ROBO2: variants seen among roughly 807,000 people sequenced by gnomAD.
ROBO2 encodes the protein roundabout homolog 2.
ROBO2 carries 53 observed loss-of-function variants against 160.8 expected under a neutral mutation model. The ratio of observed to expected loss-of-function variants is 0.33; its 90% confidence interval spans 0.26 to 0.41. ROBO2 has a LOEUF of 0.41. Among genes scored for constraint, ROBO2 ranks in the 10% least tolerant of loss-of-function variants. The pLI, the probability that ROBO2 is intolerant of heterozygous loss-of-function variation, is 1.00. For synonymous variants in ROBO2, 664 were observed against 611.7 expected (o/e 1.09, Z -1.26); for missense variants, 1,577 against 1,722.4 (o/e 0.92, Z 1.49).
At chr3:77,595,722 C>T (rs1439533846) in intron 18 of ROBO2, among the ~76,000 whole-genome samples, 2 of 152,130 alleles carry the variant, frequency 1.3e-5, no homozygotes, top group South Asian at 2.1e-4. Context: ...GTAATAACTT[C>T]CAATCTCCCA....
chr3:75,935,394 CT>C lies in ROBO2; in HGVS notation c.-13-2086del, dbSNP rs1036480550. On this transcript the variant is annotated intron_variant, in intron 1 of 26. Transcript: ENST00000487694. The stretch of plus-strand genomic sequence containing the variant: ...GGGGATGGTGGTGCGTGCCTGTAGC[CT>C]GAGCTACTCGAGAGGCCGAGGCAAA... 2.6e-4 allele frequency among the ~76,000 whole-genome samples: 40 copies of C among 151,988 alleles called. 1 individual carries two copies. Among genetic ancestry groups the C allele is most frequent in the African/African-American group, 9.4e-4 (39 of 41,484 alleles).
At chr3:76,685,192 G>GTTT (rs57691150) in intron 2 of ROBO2, among the ~76,000 whole-genome samples, 14 of 128,340 alleles carry the variant, frequency 1.1e-4, no homozygotes, top group South Asian at 7.5e-4. Context: ...GGTTGGTTGT[G>GTTT]TTTTTTTTTT....
chr3:76,688,329 A>AT (rs1382733883), intron 2 of ROBO2, among the ~76,000 whole-genome samples: 1 of 151,946 alleles, frequency 6.6e-6, no homozygotes, highest in African/African-American at 2.4e-5. Flanking sequence ...TGGTTAGGTG[A>AT]TTTTTTAAGA....
At chr3:76,791,494 C>T (rs981733778) in intron 2 of ROBO2, among the ~76,000 whole-genome samples, 6 of 151,220 alleles carry the variant, frequency 4.0e-5, no homozygotes, top group Non-Finnish European at 5.9e-5. Context: ...GTGTTTTTCT[C>T]TTTTCTCTCT....
chr3:77,105,666 T>C (rs2150134560), intron 2 of ROBO2, among the ~76,000 whole-genome samples: 1 of 152,330 alleles, frequency 6.6e-6, no homozygotes, highest in African/African-American at 2.4e-5. Flanking sequence ...TGTATTTTGA[T>C]ACGAGGTTTA....
chr3:76,860,941 G>T (rs972795199), intron 2 of ROBO2, among the ~76,000 whole-genome samples: 7 of 152,096 alleles, frequency 4.6e-5, no homozygotes, highest in African/African-American at 1.7e-4. Flanking sequence ...AGGAAAGCAT[G>T]AGCTTTCTCT....
rs189196819 is a variant in ROBO2 at position 76,767,829 on chromosome 3, T to C, written c.110-330185T>C. Among the ~76,000 whole-genome samples the C allele has an allele frequency of 5.5e-4, 83 of 151,652 alleles. 1 individual carries two copies. Among genetic ancestry groups the C allele is most frequent in the Middle Eastern group, 6.8e-3 (2 of 294 alleles). ...ATCCATTTATATATACAGAAAGCCATTGACGTGCTTACATCATCAAAAACA... is the reference window on the plus strand; with the variant it reads ...ATCCATTTATATATACAGAAAGCCACTGACGTGCTTACATCATCAAAAACA... On this transcript the variant is annotated intron_variant, in intron 2 of 26. Transcript: ENST00000487694.
At chr3:76,802,396 A>C (rs143447715) in intron 2 of ROBO2, among the ~76,000 whole-genome samples, 1 of 152,268 alleles carries the variant, frequency 6.6e-6, no homozygotes, top group Non-Finnish European at 1.5e-5. Flanking sequence ...GCCTTCCAGC[A>C]TATTGGAGAT....
intron 2 of ROBO2, among the ~76,000 whole-genome samples, chr3:76,059,304 AG>A (rs2067981009): frequency 6.6e-6 from 1 of 151,630 alleles, no homozygotes; most frequent in Non-Finnish European, 1.5e-5. Flanking sequence ...CATCCTCTCC[AG>A]CACCTGTTGT....
chr3:76,003,244 C>T (rs978578195), intron 2 of ROBO2, among the ~76,000 whole-genome samples: 3 of 152,114 alleles, frequency 2.0e-5, no homozygotes, highest in Non-Finnish European at 4.4e-5. Flanking sequence ...AAATAAATAC[C>T]AGTGGACATA....
chr3:76,100,744 G>A (rs1008376309), intron 2 of ROBO2, among the ~76,000 whole-genome samples: 3 of 152,292 alleles, frequency 2.0e-5, no homozygotes, highest in African/African-American at 7.2e-5. Context: ...AAACATACTT[G>A]TAACTCAGAA....
At chr3:77,212,848 T>G (rs1387360155) in intron 2 of ROBO2, among the ~76,000 whole-genome samples, 2 of 152,206 alleles carry the variant, frequency 1.3e-5, no homozygotes, top group African/African-American at 4.8e-5. Context: ...GTTTTTTGTC[T>G]TTGGTTCTGT....
chr3:76,089,185 A>C (rs932274840), intron 2 of ROBO2, among the ~76,000 whole-genome samples: 5 of 152,140 alleles, frequency 3.3e-5, no homozygotes, highest in African/African-American at 1.2e-4. Context: ...AAATTGACTT[A>C]ATAGTTAATC....
At chr3:76,687,485 G>T (rs768403492) in intron 2 of ROBO2, among the ~76,000 whole-genome samples, 2 of 151,972 alleles carry the variant, frequency 1.3e-5, no homozygotes, top group African/African-American at 2.4e-5. Flanking sequence ...ACAGTCACAT[G>T]ATCAAAAAGA....
chr3:77,296,570 A>C (rs1448624478), intron 2 of ROBO2, among the ~76,000 whole-genome samples: 1 of 152,066 alleles, frequency 6.6e-6, no homozygotes, highest in African/African-American at 2.4e-5. Flanking sequence ...TCCCATGTCT[A>C]GAGTCTAATT....
At position 77,255,249 on chromosome 3, in the gene ROBO2, A is replaced by G. The variant is rs1474085202; in HGVS notation, c.388+156909A>G. Among the ~76,000 whole-genome samples the G allele has an allele frequency of 2.0e-5, 3 of 152,228 alleles. No homozygotes were observed. In the East Asian group the frequency reaches 5.8e-4, roughly 29 times the overall value. On this transcript the variant is annotated intron_variant, in intron 2 of 25. Coordinates refer to ENST00000461745, the Ensembl canonical transcript of ROBO2. Reference sequence around the variant, plus strand: ...TGTTGAGCAAGCCTTTCTTAAAGGCACCTGTAAATGTAAAGAAAAAAGTTG... The same window carrying G: ...TGTTGAGCAAGCCTTTCTTAAAGGCGCCTGTAAATGTAAAGAAAAAAGTTG...
intron 2 of ROBO2, among the ~76,000 whole-genome samples, chr3:76,306,628 C>A (rs1036053011): frequency 6.6e-6 from 1 of 152,018 alleles, no homozygotes; most frequent in Non-Finnish European, 1.5e-5. Flanking sequence ...AGAGCTTAAA[C>A]GCTGGAATAA....
chr3:77,277,492 C>A (rs2059965293), intron 2 of ROBO2, among the ~76,000 whole-genome samples: 1 of 151,982 alleles, frequency 6.6e-6, no homozygotes, highest in Non-Finnish European at 1.5e-5. Context: ...GTGTTGTTTC[C>A]CCACTATGTG....
intron 2 of ROBO2, among the ~76,000 whole-genome samples, chr3:76,244,768 T>A (rs1349068863): frequency 6.6e-6 from 1 of 152,186 alleles, no homozygotes; most frequent in Non-Finnish European, 1.5e-5. Flanking sequence ...AAAATGGGTG[T>A]GTTAGAATAG....
Sources: allele counts gnomAD v4.1 joint callset (sites outside exome capture counted in the v4.1 genomes callset), GRCh38; gene constraint gnomAD v4.1.1; transcripts MANE v1.5; gene names NCBI Gene and HGNC (gene_info 2026-07-23, HGNC 2026-07-21).